MME: variants seen among roughly 807,000 people sequenced by gnomAD.
MME encodes membrane metalloendopeptidase.
MME carries 98 observed loss-of-function variants against 113.2 expected under a neutral mutation model. The ratio of observed to expected loss-of-function variants is 0.87; its 90% CI spans 0.74 to 1.02. The LOEUF is 1.02. Among genes scored for constraint, MME ranks in the 50% least tolerant of loss-of-function variants. The pLI is 0.00. For missense variants in MME, 836 were observed against 896.0 expected (o/e 0.93, Z 0.86); for synonymous variants, 292 against 300.6 (o/e 0.97, Z 0.30).
chr3:155,097,930 C>T (rs1392686124), intron 3 of MME, among the ~76,000 whole-genome samples: 1 of 152,108 alleles, frequency 6.6e-6, no homozygotes, highest in East Asian at 1.9e-4. Flanking sequence ...GGGGTTTCTC[C>T]AGCATCACCG....
At chr3:155,114,558 T>C (rs1559926333) in intron 3 of MME, among the ~76,000 whole-genome samples, 1 of 152,242 alleles carries the variant, frequency 6.6e-6, no homozygotes, top group Non-Finnish European at 1.5e-5. Context: ...CAATCTTCCA[T>C]GGCTTGGAGT....
At chr3:155,045,196 G>A (rs1031542724) in intron 1 of MME, among the ~76,000 whole-genome samples, 4 of 151,430 alleles carry the variant, frequency 2.6e-5, no homozygotes, top group African/African-American at 4.9e-5. Context: ...CTGTCGCCAG[G>A]CTGGAGTGCA....
At chr3:155,178,599 A>G (rs1712790630) in intron 22 of MME, among the ~76,000 whole-genome samples, 1 of 152,112 alleles carries the variant, frequency 6.6e-6, no homozygotes, top group Admixed American at 6.6e-5. Context: ...TGAGCAAGAC[A>G]TACACAGTAC....
intron 7 of MME, among the ~76,000 whole-genome samples, chr3:155,117,389 A>AT (rs1718711063): frequency 6.6e-6 from 1 of 152,208 alleles, no homozygotes; most frequent in Non-Finnish European, 1.5e-5. Flanking sequence ...CAGAAAAGGG[A>AT]TTTTAAACAT....
At chr3:155,067,605 G>A (rs529995405) in intron 1 of MME, among the ~76,000 whole-genome samples, 44 of 152,004 alleles carry the variant, frequency 2.9e-4, no homozygotes, top group South Asian at 6.2e-4. Context: ...CACTGTGCCC[G>A]GCCCTTATTT....
chr3:155,112,994 G>A (rs919599780), intron 3 of MME, among the ~76,000 whole-genome samples: 1 of 152,198 alleles, frequency 6.6e-6, no homozygotes, highest in African/African-American at 2.4e-5. Context: ...CAGGAGTCAA[G>A]AGAAATATTC....
At chr3:155,091,838 C>T (rs1387508067) in intron 3 of MME, among the ~76,000 whole-genome samples, 4 of 152,116 alleles carry the variant, frequency 2.6e-5, no homozygotes, top group Admixed American at 6.5e-5. Flanking sequence ...GAGATTTTGT[C>T]GGGGGCCAGT....
At position 155,047,954 on chromosome 3, in the gene MME, A is replaced by G. The variant is rs112964451; in HGVS notation, c.-11+23630A>G. ...TATTTATGGTTCATGGATTAGTATG[A>G]GGGTGTTTTGAGTAGTCTAGTTATC... On this transcript the variant is annotated intron_variant, in intron 1 of 22. Transcript: ENST00000492661. 8.9e-4 allele frequency among the ~76,000 whole-genome samples: 135 copies of G among 152,244 alleles called. 1 individual carries two copies. Among genetic ancestry groups the G allele is most frequent in the African/African-American group, 3.1e-3 (128 of 41,548 alleles).
rs748751413 is a variant in MME at position 155,115,062 on chromosome 3, G to A, written c.265G>A (p.Gly89Arg). 18 of 1,614,018 alleles carry A rather than the reference G, an allele frequency of 1.1e-5. No homozygotes were observed. Among genetic ancestry groups the A allele is most frequent in the African/African-American group, 4.0e-5 (3 of 74,978 alleles). The change falls in exon 4 of 23, where the codon GGA (glycine) becomes AGA (arginine). Residue 89 changes from glycine to arginine, a missense_variant. Physicochemically the swap from Gly to Arg is moderately radical, Grantham distance 125. Coordinates refer to ENST00000360490, the MANE Select transcript of MME (RefSeq NM_007289.4). ...PCTDFFKYAC[G>R]GWLKRNVIPE... The stretch of plus-strand genomic sequence containing the variant: ...TACAGACTTTTTCAAATATGCTTGC[G>A]GAGGCTGGTTGAAACGTAATGTCAT...
intron 20 of MME, among the ~76,000 whole-genome samples, chr3:155,171,244 C>T (rs574172610): frequency 4.3e-4 from 65 of 152,234 alleles, no homozygotes; most frequent in African/African-American, 1.6e-3. Context: ...TGCCTTGCCC[C>T]CCTGCTAGAT....
At chr3:155,043,732 A>G (rs1285590180) in intron 1 of MME, among the ~76,000 whole-genome samples, 1 of 152,076 alleles carries the variant, frequency 6.6e-6, no homozygotes, top group Non-Finnish European at 1.5e-5. Context: ...TGTTTCCTAT[A>G]TATAATTATT....
At chr3:155,118,229 A>T (rs1389278062) in intron 7 of MME, among the ~76,000 whole-genome samples, 1 of 152,178 alleles carries the variant, frequency 6.6e-6, no homozygotes, top group African/African-American at 2.4e-5. Flanking sequence ...AAGATTCTGG[A>T]GTTACCTTAG....
chr3:155,024,429 C>T (rs1208752606), intron 1 of MME: 1 of 152,194 alleles, frequency 6.6e-6, no homozygotes, highest in Non-Finnish European at 1.5e-5. Flanking sequence ...GTTAGCATTT[C>T]ACTTTATGCA....
At chr3:155,037,623 C>G (rs1016435956) in intron 1 of MME, among the ~76,000 whole-genome samples, 1 of 152,032 alleles carries the variant, frequency 6.6e-6, no homozygotes. Flanking sequence ...TGAGGAAGAA[C>G]TAAGGAAGGA....
chr3:155,105,821 T>G (rs560030210), intron 3 of MME, among the ~76,000 whole-genome samples: 2 of 152,360 alleles, frequency 1.3e-5, no homozygotes, highest in Non-Finnish European at 2.9e-5. Context: ...GTTTGACATA[T>G]GTCAAGTGTT....
chr3:155,099,121 G>C (rs1018272149), intron 3 of MME, among the ~76,000 whole-genome samples: 2 of 152,120 alleles, frequency 1.3e-5, no homozygotes, highest in Non-Finnish European at 2.9e-5. Flanking sequence ...GCCACCTGAT[G>C]GGATTAGTTC....
At chr3:155,128,844 A>G (rs1719910723) in intron 8 of MME, among the ~76,000 whole-genome samples, 2 of 152,196 alleles carry the variant, frequency 1.3e-5, no homozygotes, top group Non-Finnish European at 2.9e-5. Context: ...AAACAAAAGA[A>G]AGAAGAACCC....
intron 1 of MME, among the ~76,000 whole-genome samples, chr3:155,058,205 A>G (rs1188360398): frequency 6.6e-6 from 1 of 152,198 alleles, no homozygotes; most frequent in Non-Finnish European, 1.5e-5. Context: ...GACTCACGCA[A>G]TATTTGACCC....
chr3:155,080,689 A>G (rs1044075354), intron 1 of MME, among the ~76,000 whole-genome samples: 7 of 152,166 alleles, frequency 4.6e-5, no homozygotes, highest in African/African-American at 1.7e-4. Flanking sequence ...AACTGGTTTC[A>G]GTCTATTTGT....
Sources: gnomAD v4.1 joint callset for allele counts (sites outside exome capture counted in the v4.1 genomes callset) on GRCh38, gnomAD v4.1.1 for gene constraint, MANE v1.5 for transcripts, NCBI Gene and HGNC (gene_info 2026-07-23, HGNC 2026-07-21) for gene names.